Variants in RALGPS2 observed in about 807,000 individuals in gnomAD.
RALGPS2 encodes Ral GEF with PH domain and SH3 binding motif 2.
Under a neutral mutation model 86.8 loss-of-function variants are expected in RALGPS2, and 43 were observed. That is an observed-to-expected ratio of 0.50 (90% confidence interval 0.39 to 0.64). The LOEUF (loss-of-function observed/expected upper bound fraction) is 0.64. Ranked by LOEUF, RALGPS2 falls within the 30% of genes least tolerant of loss-of-function variation. The pLI is 0.00. For missense variants in RALGPS2, 536 were observed against 694.6 expected (o/e 0.77, Z 2.57); for synonymous variants, 243 against 231.3 (o/e 1.05, Z -0.46).
chr1:178,819,435 C>T (rs1655392603), intron 6 of RALGPS2, among the ~76,000 whole-genome samples: 1 of 152,150 alleles, frequency 6.6e-6, no homozygotes, highest in Non-Finnish European at 1.5e-5. Flanking sequence ...TTCTATCCTG[C>T]CCTTACGCTC....
At chr1:178,859,631 G>A (rs1657827925) in intron 8 of RALGPS2, among the ~76,000 whole-genome samples, 1 of 150,404 alleles carries the variant, frequency 6.6e-6, no homozygotes, top group East Asian at 2.0e-4. Flanking sequence ...GACACATAAA[G>A]GGAAGTGTAC....
intron 1 of RALGPS2, among the ~76,000 whole-genome samples, chr1:178,739,822 A>T (rs138280325): frequency 6.6e-6 from 1 of 152,232 alleles, no homozygotes; most frequent in Non-Finnish European, 1.5e-5. Flanking sequence ...AATTGAAGCC[A>T]TCTGTGCTGC....
chr1:178,747,227 G>A, intron 1 of RALGPS2: 4 of 1,417,824 alleles, frequency 2.8e-6, no homozygotes, highest in Non-Finnish European at 1.0e-6. Context: ...TCCATGGTCA[G>A]GGTTCAAGGA....
chr1:178,760,495 C>A (rs1652180895), intron 1 of RALGPS2, among the ~76,000 whole-genome samples: 1 of 152,280 alleles, frequency 6.6e-6, no homozygotes, highest in South Asian at 2.1e-4. Flanking sequence ...ATAAGAATAG[C>A]AACCCCTGCT....
At chr1:178,815,544 A>T (rs1283424735) in intron 6 of RALGPS2, among the ~76,000 whole-genome samples, 1 of 152,006 alleles carries the variant, frequency 6.6e-6, no homozygotes, top group Non-Finnish European at 1.5e-5. Flanking sequence ...CTGATCCTTA[A>T]TTTCTGTCTT....
At chr1:178,901,382 G>A (rs376344013) in intron 17 of RALGPS2, among the ~76,000 whole-genome samples, 1 of 151,852 alleles carries the variant, frequency 6.6e-6, no homozygotes, top group Non-Finnish European at 1.5e-5. Context: ...CCATGTACAC[G>A]TCCTTATACA....
chr1:178,892,294 A>T lies in RALGPS2; in HGVS notation c.1312A>T (p.Met438Leu). Residue 438 changes from methionine (M) to leucine (L), a missense_variant, in exon 15 of 20, where the codon ATG becomes TTG. Around this residue, in one of 3 missense-constraint regions of RALGPS2, gnomAD observed 309 missense variants for 363.0 expected, o/e 0.85. Transcript: ENST00000367635. ...RVARNGYRSH[M>L]KASSSAESED... ...GGCACGAAATGGCTATCGAAGTCAC[A>T]TGAAGGCCAGCAGGTACAATTCCCC... is the stretch of plus-strand genomic sequence containing the variant. 1 of 1,612,590 alleles carries T rather than the reference A, an allele frequency of 6.2e-7. No individual in the cohort carries two copies.
chr1:178,838,133 C>T (rs1656381453), intron 8 of RALGPS2, among the ~76,000 whole-genome samples: 1 of 152,228 alleles, frequency 6.6e-6, no homozygotes, highest in Admixed American at 6.5e-5. Context: ...GCAGAAACCT[C>T]TGCAGACTTA....
intron 8 of RALGPS2, among the ~76,000 whole-genome samples, chr1:178,857,624 CAT>C (rs766027110): frequency 5.9e-5 from 9 of 152,082 alleles, no homozygotes; most frequent in Non-Finnish European, 1.3e-4. Context: ...TTTGTTACAA[CAT>C]ATATATATTT....
chr1:178,732,353 C>T (rs1313053572), intron 1 of RALGPS2, among the ~76,000 whole-genome samples: 2 of 152,040 alleles, frequency 1.3e-5, no homozygotes, highest in Non-Finnish European at 2.9e-5. Context: ...GGCTGGAGTG[C>T]AGTGGCGCGA....
chr1:178,765,739 G>A (rs918033877), intron 1 of RALGPS2, among the ~76,000 whole-genome samples: 7 of 152,124 alleles, frequency 4.6e-5, no homozygotes, highest in East Asian at 1.9e-4. Context: ...TTCCCAAAGC[G>A]GCCATTTCAG....
In RALGPS2 at chr1:178,808,145, T is replaced by C; in HGVS notation, c.297+17T>C. On this transcript the variant is annotated intron_variant, in intron 5 of 19. Transcript: ENST00000367635. ...TTCAATCATGTGAGTTTATAAATTT[T>C]GATACTGTGTCTGAAATTCAGTTCC... is the stretch of plus-strand genomic sequence containing the variant. 1 of 1,516,110 alleles carries C rather than the reference T, an allele frequency of 6.6e-7. No individual in the cohort carries two copies. The highest frequency in any genetic ancestry group is 1.4e-5 in the African/African-American group (1 of 72,730). The allele number at this position is 1,516,110 out of a possible 1,614,324, so 93.9% of individuals were successfully genotyped here.
chr1:178,795,866 A>G (rs1032056305), intron 4 of RALGPS2, among the ~76,000 whole-genome samples: 34 of 152,330 alleles, frequency 2.2e-4, no homozygotes, highest in Non-Finnish European at 2.8e-4. Flanking sequence ...TCATAATTCT[A>G]TCCTTGTTTT....
At chr1:178,746,999 A>C (rs1651372221) in intron 1 of RALGPS2, 1 of 928,440 alleles carries the variant, frequency 1.1e-6, no homozygotes, top group African/African-American at 1.6e-5. Context: ...TGTATACTAG[A>C]ATCTCCCTTT....
intron 4 of RALGPS2, among the ~76,000 whole-genome samples, chr1:178,804,350 A>C (rs1228664960): frequency 2.3e-4 from 34 of 144,942 alleles, no homozygotes; most frequent in African/African-American, 7.4e-4. Flanking sequence ...ATATGTATAC[A>C]TGTGCCATGC....
rs545226052 is a variant in RALGPS2 at position 178,906,701 on chromosome 1, CATT to C, written c.1631-69_1631-67del. The C allele has an allele frequency of 3.7e-4, 429 of 1,175,024 alleles. No individual in the cohort carries two copies. The African/African-American group carries it at 6.1e-3, about 17-fold the overall frequency. 72.8% of individuals were successfully genotyped at this position (1,175,024 alleles called of 1,614,324 possible). On this transcript the variant is annotated intron_variant, in intron 18 of 19. Transcript: ENST00000367635. ...AAACTCTAGTCATGTTTAATTTGCT[CATT>C]ATTATCTGGCAGAATTATTATGTGT... is the stretch of plus-strand genomic sequence containing the variant.
intron 5 of RALGPS2, among the ~76,000 whole-genome samples, chr1:178,809,017 A>T (rs945549766): frequency 2.0e-5 from 3 of 151,998 alleles, no homozygotes; most frequent in Non-Finnish European, 4.4e-5. Context: ...AGACTAATTT[A>T]AAAAGAATGT....
At chr1:178,813,446 T>A (rs1655086670) in intron 6 of RALGPS2, among the ~76,000 whole-genome samples, 2 of 152,222 alleles carry the variant, frequency 1.3e-5, no homozygotes, top group South Asian at 4.1e-4. Flanking sequence ...TCCCAAGCTC[T>A]AAACTCATAA....
At chr1:178,851,417 A>G (rs542935704) in intron 8 of RALGPS2, 270 of 1,061,296 alleles carry the variant, frequency 2.5e-4, no homozygotes, top group Non-Finnish European at 3.2e-4. Context: ...AACTTCCCTT[A>G]CTAATCCCAG....
Sources: allele counts gnomAD v4.1 joint callset (sites outside exome capture counted in the v4.1 genomes callset), GRCh38; gene constraint gnomAD v4.1.1; regional missense constraint gnomAD v4.1.1; transcripts MANE v1.5; gene names NCBI Gene and HGNC (gene_info 2026-07-23, HGNC 2026-07-21).